PCNX1: variants seen among roughly 807,000 people sequenced by gnomAD.
PCNX1 encodes the protein pecanex 1.
Under a neutral mutation model 242.2 loss-of-function variants are expected in PCNX1, and 78 were observed. The ratio of observed to expected loss-of-function variants is 0.32; its 90% CI spans 0.27 to 0.39. The LOEUF (loss-of-function observed/expected upper bound fraction) is 0.39, where lower values mean the gene tolerates loss of function less well. Among genes scored for constraint, PCNX1 ranks in the 10% least tolerant of loss-of-function variants. The pLI is 1.00. For synonymous variants in PCNX1, 1,024 were observed against 1,032.9 expected (o/e 0.99, Z 0.17); for missense variants, 2,581 against 2,856.5 (o/e 0.90, Z 2.20).
chr14:70,971,667 G>T (rs1485428355), intron 5 of PCNX1, among the ~76,000 whole-genome samples: 2 of 152,198 alleles, frequency 1.3e-5, no homozygotes, highest in Non-Finnish European at 2.9e-5. Context: ...ATAGGGATTG[G>T]TGGGGACTAG....
At chr14:71,105,635 C>T (rs998820919) in intron 33 of PCNX1, among the ~76,000 whole-genome samples, 195 bp downstream of exon 33, 7 of 151,068 alleles carry the variant, frequency 4.6e-5, no homozygotes, top group South Asian at 2.1e-4. Context: ...CTCCGCCTCC[C>T]GGGTTCATGC....
chr14:71,046,881 T>C (rs748895479), intron 20 of PCNX1, 83 bp from the exon 21 acceptor site: 1 of 1,061,158 alleles, frequency 9.4e-7, no homozygotes, highest in Non-Finnish European at 1.3e-6. Context: ...GGTACTAAAT[T>C]TGTTGTAAAA....
intron 5 of PCNX1, among the ~76,000 whole-genome samples, chr14:70,973,714 A>T (rs2058608363): frequency 6.6e-6 from 1 of 152,154 alleles, no homozygotes; most frequent in African/African-American, 2.4e-5. Flanking sequence ...ATTGATAGGG[A>T]TGATCAGAGA....
At chr14:70,911,874 A>T (rs1043268375) in intron 1 of PCNX1, among the ~76,000 whole-genome samples, 3 of 152,242 alleles carry the variant, frequency 2.0e-5, no homozygotes, top group African/African-American at 7.2e-5. Context: ...TTATTAAGTC[A>T]AATCATTTTC....
intron 1 of PCNX1, among the ~76,000 whole-genome samples, chr14:70,942,362 G>A (rs2057287736): frequency 6.6e-6 from 1 of 152,130 alleles, no homozygotes; most frequent in South Asian, 2.1e-4. Flanking sequence ...TGTAAATTTA[G>A]TATTCATTTT....
At chr14:71,078,857 AATT>A (rs1296905417) in intron 28 of PCNX1, 2 of 152,054 alleles carry the variant, frequency 1.3e-5, no homozygotes, top group East Asian at 1.9e-4. Flanking sequence ...TTTCTTTTTT[AATT>A]ATTATTATAC....
Position 71,109,932 on chromosome 14 carries a change from G to A in PCNX1, c.7023G>A (p.Val2341=). The A allele has an allele frequency of 2.5e-6, 4 of 1,612,966 alleles. No individual in the cohort carries two copies. In the African/African-American group the frequency reaches 4.0e-5, roughly 16 times the overall value. ...ETGVLELGAE[V] is the part of the protein sequence containing the mutation. ...GGGTACTAGAACTTGGGGCTGAAGT[G>A]TGAGCCAGTGTTTATTATAAAGACA... is the stretch of plus-strand genomic sequence containing the variant. The change falls in exon 36 of 36, where the codon GTG becomes GTA. Residue 2341 remains valine (V), a synonymous_variant. Coordinates refer to ENST00000304743, the MANE Select transcript of PCNX1 (RefSeq NM_014982.3).
chr14:71,047,328 GA>G (rs2060891698), intron 21 of PCNX1, among the ~76,000 whole-genome samples: 4 of 152,078 alleles, frequency 2.6e-5, no homozygotes, highest in Admixed American at 2.0e-4. Flanking sequence ...GATATTTTAT[GA>G]GAGGACATTT....
intron 30 of PCNX1, among the ~76,000 whole-genome samples, chr14:71,091,156 T>C (rs138901590): frequency 2.6e-5 from 4 of 152,210 alleles, no homozygotes; most frequent in African/African-American, 4.8e-5. Context: ...AATTCTGATA[T>C]ACCTTCTAGG....
intron 19 of PCNX1, among the ~76,000 whole-genome samples, chr14:71,037,030 A>G (rs540485380): frequency 1.9e-3 from 285 of 151,696 alleles, no homozygotes; most frequent in African/African-American, 6.6e-3. Context: ...ATTCCTAGGT[A>G]TTTTATTCTC....
chr14:71,017,061 C>A lies in PCNX1; in HGVS notation c.2997-1948C>A, dbSNP rs556201212. Reference sequence around the variant, plus strand: ...ATGTGAGTTATGATATCACTACAGACTCTCCAGGTATTAAAAGCATAATTA... The same window carrying A: ...ATGTGAGTTATGATATCACTACAGAATCTCCAGGTATTAAAAGCATAATTA... On this transcript the variant is annotated intron_variant, in intron 11 of 35. Transcript: ENST00000304743. Among the ~76,000 whole-genome samples the A allele has an allele frequency of 2.0e-5, 3 of 152,244 alleles. No homozygotes were observed. In the South Asian group the frequency reaches 6.2e-4, roughly 32 times the overall value.
chr14:70,963,528 G>A (rs1489973795), intron 3 of PCNX1, among the ~76,000 whole-genome samples: 1 of 152,092 alleles, frequency 6.6e-6, no homozygotes. Context: ...TGCATTGGTA[G>A]CCTTAAGAAC....
chr14:71,084,628 G>A (rs2061938219), intron 28 of PCNX1, among the ~76,000 whole-genome samples: 1 of 152,180 alleles, frequency 6.6e-6, no homozygotes, highest in African/African-American at 2.4e-5. Context: ...AAACTTCCTG[G>A]CAGCTTTGCT....
At chr14:70,978,698 A>G (rs375933388) in intron 6 of PCNX1, 50 bp downstream of exon 6, 2 of 1,465,616 alleles carry the variant, frequency 1.4e-6, no homozygotes, top group Middle Eastern at 1.8e-4. Context: ...GCTTTTTCAT[A>G]CTATTAATTA....
chr14:70,946,672 T>C (rs570851642), intron 1 of PCNX1, among the ~76,000 whole-genome samples: 2 of 152,376 alleles, frequency 1.3e-5, no homozygotes, highest in Non-Finnish European at 2.9e-5. Context: ...ATCTTTGAAA[T>C]GCAGTGTTTA....
At chr14:71,023,653 A>G (rs61990384) in intron 13 of PCNX1, among the ~76,000 whole-genome samples, 2,161 of 152,274 alleles carry the variant, frequency 0.014, 24 homozygotes, top group Middle Eastern at 0.034. Context: ...AAGAAGTAAT[A>G]CCTGAGTCTG....
chr14:70,978,718 T>A, intron 6 of PCNX1, 70 bp downstream of exon 6: 3 of 1,295,042 alleles, frequency 2.3e-6, no homozygotes, highest in Non-Finnish European at 3.2e-6. Flanking sequence ...AGAGTAGTAC[T>A]TACTAAAATA....
At chr14:71,068,246 G>A (rs61990418) in intron 26 of PCNX1, among the ~76,000 whole-genome samples, 2,153 of 151,934 alleles carry the variant, frequency 0.014, 23 homozygotes, top group Middle Eastern at 0.034. Context: ...CAGGAGAATC[G>A]CTTGAACCCA....
chr14:70,998,930 A>ATG, intron 8 of PCNX1, among the ~76,000 whole-genome samples: 1 of 152,110 alleles, frequency 6.6e-6, no homozygotes, highest in East Asian at 1.9e-4. Flanking sequence ...AAATTCTTCA[A>ATG]TGTAATATGT....
Sources: allele counts gnomAD v4.1 joint callset (sites outside exome capture counted in the v4.1 genomes callset), GRCh38; gene constraint gnomAD v4.1.1; transcripts MANE v1.5; gene names NCBI Gene and HGNC (gene_info 2026-07-23, HGNC 2026-07-21).